PTH2R: variants seen among roughly 807,000 people sequenced by gnomAD.
The protein encoded by PTH2R is parathyroid hormone 2 receptor, also known as PTH2 receptor.
Under a neutral mutation model 60.3 loss-of-function variants are expected in PTH2R, and 59 were observed. The ratio of observed to expected loss-of-function variants is 0.98; its 90% CI spans 0.79 to 1.22. The LOEUF is 1.22. PTH2R is among the 50% of genes most tolerant of loss of function. The pLI is 0.00. For synonymous variants in PTH2R, 256 were observed against 243.8 expected, an observed-to-expected ratio of 1.05 and a Z score of -0.47; for missense variants, 749 against 682.6, an observed-to-expected ratio of 1.10 and a Z score of -1.08.
At chr2:208,377,035 G>A (rs975597356) in intron 1 of PTH2R, among the ~76,000 whole-genome samples, 27 of 152,086 alleles carry the variant, frequency 1.8e-4, no homozygotes, top group African/African-American at 6.0e-4. Context: ...CACAGTATTT[G>A]TGTCCCTGGG....
At chr2:208,450,720 C>CCT (rs758914479) in intron 7 of PTH2R, 29 bp from the exon 8 acceptor site, 49,106 of 1,609,068 alleles carry the variant, frequency 0.031, 1,044 homozygotes, top group African/African-American at 0.11. Flanking sequence ...TAAAATAAAT[C>CCT]TAGTCTCTGA....
rs376664620 is a variant in PTH2R at position 208,448,467 on chromosome 2, G to A, written c.854-2282G>A. On this transcript the variant is annotated intron_variant, in intron 7 of 12. Transcript: ENST00000272847. The stretch of plus-strand genomic sequence containing the variant: ...AGATCGAGACAATCCTGGCTAACAT[G>A]GTGAAACCCCGTCTCTACTAGCCGG... 2.7e-4 allele frequency among the ~76,000 whole-genome samples: 41 copies of A among 151,394 alleles called. No individual in the cohort carries two copies. The East Asian group carries it at 7.2e-3, about 27-fold the overall frequency.
intron 1 of PTH2R, among the ~76,000 whole-genome samples, chr2:208,362,623 C>A (rs35293936): frequency 6.6e-6 from 1 of 152,034 alleles, no homozygotes; most frequent in Non-Finnish European, 1.5e-5. Context: ...TGAGTAATGC[C>A]GCTGTAACCA....
At chr2:208,361,911 G>A (rs2125863693) in intron 1 of PTH2R, among the ~76,000 whole-genome samples, 1 of 152,258 alleles carries the variant, frequency 6.6e-6, no homozygotes, top group East Asian at 1.9e-4. Flanking sequence ...CCAGACAGCT[G>A]GTAAAACATT....
intron 8 of PTH2R, among the ~76,000 whole-genome samples, chr2:208,458,595 C>T (rs1217748466): frequency 6.6e-6 from 1 of 152,106 alleles, no homozygotes; most frequent in Non-Finnish European, 1.5e-5. Context: ...CCTCTCCCTC[C>T]TCCTACCTTC....
At position 208,493,473 on chromosome 2, in the gene PTH2R, C is replaced by T. The variant is rs1251637651; in HGVS notation, c.1467C>T (p.His489=). ...TCGCCAGCAGACAGCCTGACAGCCA[C>T]ATCACTTTACCTGGCTATGTCTGGA... ...AKIASRQPDS[H]ITLPGYVWSN... The change falls in exon 13 of 13, where the codon CAC becomes CAT. Residue 489 remains histidine (H), a synonymous_variant. Transcript: ENST00000272847. 1.9e-6 allele frequency: 3 copies of T among 1,611,722 alleles called. No homozygotes were observed. The highest frequency in any genetic ancestry group is 2.5e-6 in the Non-Finnish European group (3 of 1,178,590).
chr2:208,394,412 A>G (rs1054672704), intron 1 of PTH2R, among the ~76,000 whole-genome samples: 8 of 152,220 alleles, frequency 5.3e-5, no homozygotes, highest in African/African-American at 1.7e-4. Context: ...GTGATCCAGG[A>G]TAGAGAAGAA....
intron 1 of PTH2R, among the ~76,000 whole-genome samples, chr2:208,376,924 G>A (rs550176295): frequency 1.3e-5 from 2 of 151,668 alleles, no homozygotes; most frequent in Non-Finnish European, 2.9e-5. Context: ...TCGCAGAGGG[G>A]GATTTGGCAG....
chr2:208,392,264 T>C (rs908558944), intron 1 of PTH2R, among the ~76,000 whole-genome samples: 4 of 152,168 alleles, frequency 2.6e-5, no homozygotes, highest in Admixed American at 6.5e-5. Flanking sequence ...TCATTCCCCA[T>C]TGGGTTTCTG....
chr2:208,382,637 A>G (rs1451215999), intron 1 of PTH2R, among the ~76,000 whole-genome samples: 1 of 152,286 alleles, frequency 6.6e-6, no homozygotes, highest in East Asian at 1.9e-4. Context: ...ACTCCTCACA[A>G]ATAAATTGGT....
chr2:208,475,057 T>G (rs1401625895), intron 9 of PTH2R, among the ~76,000 whole-genome samples: 1 of 152,208 alleles, frequency 6.6e-6, no homozygotes, highest in Non-Finnish European at 1.5e-5. Flanking sequence ...ATCCATGGTT[T>G]TTGCTATTTG....
intron 12 of PTH2R, among the ~76,000 whole-genome samples, chr2:208,491,748 C>A (rs543605404): frequency 3.9e-5 from 6 of 152,012 alleles, no homozygotes; most frequent in Admixed American, 2.0e-4. Context: ...TATTAGGACC[C>A]ACTGTTTTAC....
intron 1 of PTH2R, among the ~76,000 whole-genome samples, chr2:208,419,744 T>C (rs1277143615): frequency 6.6e-6 from 1 of 152,218 alleles, no homozygotes; most frequent in African/African-American, 2.4e-5. Flanking sequence ...TACATATGGC[T>C]AGCCAGTTTT....
chr2:208,431,713 G>A (rs919261720), intron 2 of PTH2R, among the ~76,000 whole-genome samples: 3 of 152,090 alleles, frequency 2.0e-5, no homozygotes, highest in Non-Finnish European at 2.9e-5. Flanking sequence ...TCATCTTTTG[G>A]GGATACTGAC....
intron 1 of PTH2R, among the ~76,000 whole-genome samples, chr2:208,423,472 C>T (rs1701795823): frequency 6.6e-6 from 1 of 152,130 alleles, no homozygotes; most frequent in South Asian, 2.1e-4. Flanking sequence ...TGTATGCTTG[C>T]AATTCTTTTA....
At chr2:208,485,864 GA>G (rs2105909316) in intron 10 of PTH2R, among the ~76,000 whole-genome samples, 1 of 152,302 alleles carries the variant, frequency 6.6e-6, no homozygotes, top group Non-Finnish European at 1.5e-5. Flanking sequence ...CTGTGATTAT[GA>G]TGTGTTATAT....
chr2:208,459,790 A>G (rs991994730), intron 8 of PTH2R, 105 bp from the exon 9 acceptor site: 22 of 872,334 alleles, frequency 2.5e-5, no homozygotes, highest in Non-Finnish European at 4.1e-5. Flanking sequence ...TTGTTTCTTA[A>G]TTGGAAGTGT....
intron 1 of PTH2R, among the ~76,000 whole-genome samples, chr2:208,390,419 C>T (rs375407874): frequency 1.8e-4 from 28 of 152,310 alleles, no homozygotes; most frequent in East Asian, 1.5e-3. Context: ...AACCCCAAGA[C>T]GATGAGTTCC....
chr2:208,447,819 CATT>C (rs1052719657), intron 7 of PTH2R, among the ~76,000 whole-genome samples: 11 of 151,918 alleles, frequency 7.2e-5, no homozygotes, highest in African/African-American at 2.7e-4. Flanking sequence ...CAACCAAGCA[CATT>C]ATTATTTTCC....
Sources: gnomAD v4.1 joint callset for allele counts (sites outside exome capture counted in the v4.1 genomes callset) on GRCh38, gnomAD v4.1.1 for gene constraint, MANE v1.5 for transcripts, NCBI Gene and HGNC (gene_info 2026-07-23, HGNC 2026-07-21) for gene names.